Variants in PTPRM observed in about 807,000 individuals in gnomAD.
The protein encoded by PTPRM is protein tyrosine phosphatase receptor type M.
A neutral mutation model predicts 186.7 loss-of-function variants in PTPRM; 47 were observed. The ratio of observed to expected loss-of-function variants is 0.25; its 90% CI spans 0.20 to 0.32. The LOEUF (loss-of-function observed/expected upper bound fraction) is 0.32, where lower values mean the gene tolerates loss of function less well. Among genes scored for constraint, PTPRM ranks in the 10% least tolerant of loss-of-function variants. The pLI, the probability that PTPRM is intolerant of heterozygous loss-of-function variation, is 1.00. For missense variants in PTPRM, 1,494 were observed against 1,865.0 expected, an observed-to-expected ratio of 0.80 and a Z score of 3.66; for synonymous variants, 668 against 674.9, an observed-to-expected ratio of 0.99 and a Z score of 0.16.
intron 1 of PTPRM, among the ~76,000 whole-genome samples, chr18:7,772,123 C>A (rs1199212790): frequency 6.6e-6 from 1 of 152,318 alleles, no homozygotes. Flanking sequence ...GCCTGTAAAC[C>A]TTTTAGTAGC....
At chr18:8,279,613 A>G (rs770701003) in intron 19 of PTPRM, among the ~76,000 whole-genome samples, 4 of 152,206 alleles carry the variant, frequency 2.6e-5, no homozygotes, top group Non-Finnish European at 5.9e-5. Context: ...TAGTCGTGAG[A>G]CAGAACGTCT....
intron 1 of PTPRM, among the ~76,000 whole-genome samples, chr18:7,642,871 GAAGA>G (rs2038477918): frequency 6.9e-6 from 1 of 145,976 alleles, no homozygotes; most frequent in Non-Finnish European, 1.5e-5. Flanking sequence ...AAAAAAAGAA[GAAGA>G]AAGAAAAAAT....
At chr18:7,761,865 A>G (rs2041792446) in intron 1 of PTPRM, among the ~76,000 whole-genome samples, 1 of 152,204 alleles carries the variant, frequency 6.6e-6, no homozygotes, top group Non-Finnish European at 1.5e-5. Flanking sequence ...GCAAAACTCT[A>G]GAATCAGGAG....
chr18:8,161,235 CTT>C (rs1019567701), intron 14 of PTPRM, among the ~76,000 whole-genome samples: 11 of 152,156 alleles, frequency 7.2e-5, no homozygotes, highest in Non-Finnish European at 1.5e-4. Context: ...CTGAGGGTGT[CTT>C]TGCTGAGAAT....
At chr18:7,852,515 A>G (rs1375362412) in intron 2 of PTPRM, among the ~76,000 whole-genome samples, 3 of 151,978 alleles carry the variant, frequency 2.0e-5, no homozygotes, top group Admixed American at 2.0e-4. Flanking sequence ...GTGAAACCAC[A>G]TCTCTACTAA....
intron 6 of PTPRM, among the ~76,000 whole-genome samples, chr18:7,952,015 T>A (rs1471882141): frequency 6.6e-6 from 1 of 152,218 alleles, no homozygotes; most frequent in Non-Finnish European, 1.5e-5. Context: ...TCATCTTTAT[T>A]CATGTCTAGC....
chr18:7,824,531 C>T (rs920229210), intron 2 of PTPRM, among the ~76,000 whole-genome samples: 2 of 152,146 alleles, frequency 1.3e-5, no homozygotes, highest in South Asian at 4.2e-4. Context: ...GTTTTTTCCC[C>T]TTGTAACTTG....
intron 1 of PTPRM, among the ~76,000 whole-genome samples, chr18:7,582,284 T>C (rs981520000): frequency 6.6e-6 from 1 of 152,198 alleles, no homozygotes; most frequent in Non-Finnish European, 1.5e-5. Flanking sequence ...TCCTCGGTGA[T>C]CTTGGCTGAG....
chr18:8,330,653 TC>T (rs1404428426), intron 22 of PTPRM, among the ~76,000 whole-genome samples: 12 of 65,004 alleles, frequency 1.8e-4, no homozygotes, highest in Non-Finnish European at 3.3e-4. Context: ...AGGCTGCCGT[TC>T]ATTTTTTTTT....
At chr18:7,651,002 G>C (rs949425983) in intron 1 of PTPRM, among the ~76,000 whole-genome samples, 3 of 150,928 alleles carry the variant, frequency 2.0e-5, no homozygotes, top group Admixed American at 2.0e-4. Flanking sequence ...TGTGGTCTTG[G>C]CTCACTGCAA....
At chr18:8,396,991 G>C (rs1598605117) in intron 32 of PTPRM, among the ~76,000 whole-genome samples, 1 of 152,358 alleles carries the variant, frequency 6.6e-6, no homozygotes, top group African/African-American at 2.4e-5. Flanking sequence ...GATAAAGTCT[G>C]GTACAGTTTT....
chr18:7,766,251 G>A (rs769475483), intron 1 of PTPRM, among the ~76,000 whole-genome samples: 7 of 151,188 alleles, frequency 4.6e-5, no homozygotes, highest in African/African-American at 9.9e-5. Flanking sequence ...AGAATGTACC[G>A]ATCAGGATCC....
chr18:8,053,629 T>C (rs1202099223), intron 7 of PTPRM, among the ~76,000 whole-genome samples: 2 of 152,174 alleles, frequency 1.3e-5, no homozygotes, highest in Non-Finnish European at 2.9e-5. Flanking sequence ...AGTGTTCTGT[T>C]TGGGGACCTT....
chr18:7,710,683 C>A (rs1468961107), intron 1 of PTPRM, among the ~76,000 whole-genome samples: 1 of 152,162 alleles, frequency 6.6e-6, no homozygotes, highest in Non-Finnish European at 1.5e-5. Flanking sequence ...ATTTGATAAA[C>A]AAATTCAGTA....
At chr18:8,105,823 C>T (rs974926679) in intron 11 of PTPRM, among the ~76,000 whole-genome samples, 4 of 152,130 alleles carry the variant, frequency 2.6e-5, no homozygotes, top group South Asian at 2.1e-4. Context: ...AAAATACTTA[C>T]GTAATATTTT....
chr18:7,672,397 T>A (rs1423726992), intron 1 of PTPRM, among the ~76,000 whole-genome samples: 1 of 152,214 alleles, frequency 6.6e-6, no homozygotes, highest in Non-Finnish European at 1.5e-5. Context: ...TACATTAAAC[T>A]GCTTAAAAAT....
intron 1 of PTPRM, among the ~76,000 whole-genome samples, chr18:7,585,803 C>T (rs940564140): frequency 2.0e-5 from 3 of 152,166 alleles, no homozygotes; most frequent in African/African-American, 7.2e-5. Flanking sequence ...GTGGACAGGA[C>T]AGAGTGTTCA....
chr18:8,316,729 G>T (rs2095311373), intron 21 of PTPRM, among the ~76,000 whole-genome samples: 1 of 152,202 alleles, frequency 6.6e-6, no homozygotes, highest in Admixed American at 6.5e-5. Flanking sequence ...AAAGTTGTAT[G>T]TACTGCAGAG....
At chr18:8,380,241 T>C in intron 28 of PTPRM, 55 bp from the exon 29 acceptor site, 1 of 1,572,682 alleles carries the variant, frequency 6.4e-7, no homozygotes, top group Non-Finnish European at 8.7e-7. Flanking sequence ...TAACCTAGCT[T>C]CTTCTCTTCC....
Sources: gnomAD v4.1 joint callset for allele counts (sites outside exome capture counted in the v4.1 genomes callset) on GRCh38, gnomAD v4.1.1 for gene constraint, MANE v1.5 for transcripts, NCBI Gene and HGNC (gene_info 2026-07-23, HGNC 2026-07-21) for gene names.